Variants in DDC observed in about 807,000 individuals in gnomAD.
The protein encoded by DDC is dopa decarboxylase.
Under a neutral mutation model 60.0 loss-of-function variants are expected in DDC, and 43 were observed. The observed-to-expected ratio is 0.72, with a 90% CI of 0.56 to 0.92. DDC has a LOEUF of 0.92. Ranked by LOEUF, DDC falls within the 40% of genes least tolerant of loss-of-function variation. DDC has a pLI of 0.00. For synonymous variants in DDC, 232 were observed against 234.6 expected (o/e 0.99, Z 0.10); for missense variants, 573 against 620.2 (o/e 0.92, Z 0.81).
At chr7:50,469,254 T>TA (rs2042474443) in intron 12 of DDC, among the ~76,000 whole-genome samples, 3 of 124,802 alleles carry the variant, frequency 2.4e-5, no homozygotes, top group African/African-American at 6.3e-5. Context: ...AATTGTTATT[T>TA]TAAAAAAAAA....
At chr7:50,459,204 C>A (rs928784292) in intron 14 of DDC, among the ~76,000 whole-genome samples, 24 of 152,360 alleles carry the variant, frequency 1.6e-4, no homozygotes, top group African/African-American at 5.3e-4. Flanking sequence ...AGTGATCCGC[C>A]AGCCTCGGCC....
intron 9 of DDC, among the ~76,000 whole-genome samples, chr7:50,488,496 A>G: frequency 6.7e-6 from 1 of 149,324 alleles, no homozygotes; most frequent in South Asian, 2.1e-4. Flanking sequence ...GTTGTGTGAT[A>G]TATTTTTTGT....
chr7:50,543,448 A>G, intron 2 of DDC: 1 of 297,912 alleles, frequency 3.4e-6, no homozygotes, highest in Non-Finnish European at 6.5e-6. Context: ...TAAACTAAAG[A>G]AAACGTTTCT....
At chr7:50,476,880 C>T (rs1454606873) in intron 10 of DDC, among the ~76,000 whole-genome samples, 2 of 152,084 alleles carry the variant, frequency 1.3e-5, no homozygotes, top group African/African-American at 2.4e-5. Context: ...TCTCAATAGA[C>T]CCCCATTAGT....
chr7:50,507,676 C>G (rs769470000), intron 6 of DDC, among the ~76,000 whole-genome samples: 3 of 152,022 alleles, frequency 2.0e-5, no homozygotes, highest in South Asian at 2.1e-4. Context: ...TTAACATAAA[C>G]CTTTATTCTT....
chr7:50,494,662 C>A (rs985165674), intron 9 of DDC, among the ~76,000 whole-genome samples: 2 of 150,206 alleles, frequency 1.3e-5, no homozygotes, highest in African/African-American at 4.9e-5. Flanking sequence ...TATTATTTTT[C>A]TTTCGCGAAT....
intron 12 of DDC, 50 bp from the exon 13 acceptor site, chr7:50,467,365 G>T: frequency 2.0e-6 from 3 of 1,465,306 alleles, no homozygotes; most frequent in Non-Finnish European, 2.9e-6. Flanking sequence ...ATTTAATTCA[G>T]AACTTAACTA....
intron 1 of DDC, among the ~76,000 whole-genome samples, chr7:50,555,404 G>C (rs2045149846): frequency 6.6e-6 from 1 of 152,108 alleles, no homozygotes; most frequent in Non-Finnish European, 1.5e-5. Context: ...AGGGACCTGG[G>C]ACCCAGAGAA....
chr7:50,506,039 C>T (rs1197546489), intron 6 of DDC, among the ~76,000 whole-genome samples: 1 of 152,218 alleles, frequency 6.6e-6, no homozygotes. Flanking sequence ...CGGCAAGGGC[C>T]TGTGTTGTGG....
At chr7:50,526,240 C>A (rs1168992968) in intron 6 of DDC, among the ~76,000 whole-genome samples, 1 of 152,124 alleles carries the variant, frequency 6.6e-6, no homozygotes, top group Non-Finnish European at 1.5e-5. Context: ...ATTAAAATTA[C>A]AACTGACATC....
intron 1 of DDC, among the ~76,000 whole-genome samples, chr7:50,547,502 C>T (rs1021145631): frequency 5.3e-5 from 8 of 152,324 alleles, no homozygotes; most frequent in Admixed American, 1.3e-4. Flanking sequence ...CAGGCATGAG[C>T]CACCGCACCT....
chr7:50,479,754 A>C, intron 10 of DDC, 33 bp downstream of exon 10: 1 of 1,597,796 alleles, frequency 6.3e-7, no homozygotes, highest in South Asian at 1.1e-5. Context: ...ACAAGACCAG[A>C]AACAGTCCAC....
intron 1 of DDC, among the ~76,000 whole-genome samples, chr7:50,550,482 G>A (rs546975262): frequency 2.0e-5 from 3 of 152,332 alleles, no homozygotes; most frequent in African/African-American, 7.2e-5. Flanking sequence ...GAAAATTTGA[G>A]ACAGGTCTCA....
intron 11 of DDC, among the ~76,000 whole-genome samples, chr7:50,472,806 C>T (rs28706313): frequency 0.02 from 2,993 of 152,224 alleles, 89 homozygotes; most frequent in African/African-American, 0.066. Flanking sequence ...CATCTACTGA[C>T]GGGGGATAGA....
chr7:50,545,686 T>G (rs1292270100), intron 1 of DDC, among the ~76,000 whole-genome samples: 1 of 152,198 alleles, frequency 6.6e-6, no homozygotes, highest in African/African-American at 2.4e-5. Flanking sequence ...TTGGCCAGGC[T>G]GGTCTCAAAC....
At chr7:50,541,158 A>G (rs2044616987) in intron 2 of DDC, among the ~76,000 whole-genome samples, 2 of 152,176 alleles carry the variant, frequency 1.3e-5, no homozygotes, top group Admixed American at 6.5e-5. Context: ...CCTGTTCCGC[A>G]TTGTCCCCTG....
At chr7:50,529,143 A>G in intron 5 of DDC, 65 bp downstream of exon 5, 1 of 1,606,814 alleles carries the variant, frequency 6.2e-7, no homozygotes, top group Non-Finnish European at 8.5e-7. Context: ...GTTTGGTTTG[A>G]ATTTGACATA....
rs1363559666 is a variant in DDC at position 50,499,242 on chromosome 7, C to T, written c.782G>A (p.Cys261Tyr). ...FDNLLEVGPI[C>Y]NKEDIWLHVD... Reference sequence around the variant, plus strand: ...GTGCAGCCATATGTCTTCCTTGTTGCCTAAAGTTCAGAATCAACTTGTGAG... The same window carrying T: ...GTGCAGCCATATGTCTTCCTTGTTGTCTAAAGTTCAGAATCAACTTGTGAG... The change falls in exon 8 of 15, where the codon TGC becomes TAC. Residue 261 changes from cysteine (C) to tyrosine (Y), a missense_variant and splice_region_variant. By Grantham distance (194) the Cys-to-Tyr change is radical. Coordinates refer to ENST00000444124, the MANE Select transcript of DDC (RefSeq NM_001082971.2). 1.2e-6 allele frequency: 2 copies of T among 1,611,372 alleles called. No individual in the cohort carries two copies. Among genetic ancestry groups the T allele is most frequent in the Non-Finnish European group, 1.7e-6 (2 of 1,178,810 alleles).
intron 10 of DDC, chr7:50,477,511 G>C: frequency 2.2e-6 from 1 of 456,542 alleles, no homozygotes; most frequent in South Asian, 1.5e-5. Context: ...ATGCTCAGCT[G>C]GGACAAGCTG....
Sources: allele counts gnomAD v4.1 joint callset (sites outside exome capture counted in the v4.1 genomes callset), GRCh38; gene constraint gnomAD v4.1.1; transcripts MANE v1.5; gene names NCBI Gene and HGNC (gene_info 2026-07-23, HGNC 2026-07-21).